RBSN: variants seen among roughly 807,000 people sequenced by gnomAD.
RBSN encodes rabenosyn, RAB effector, also known as rabenosyn-5.
RBSN carries 34 observed loss-of-function variants against 60.5 expected under a neutral mutation model. That is an observed-to-expected ratio of 0.56 (90% CI 0.43 to 0.75). RBSN has a LOEUF of 0.75. RBSN is among the 30% of genes least tolerant of loss of function. The probability of loss-of-function intolerance (pLI) is 0.00; values close to 1 mark genes in which losing one functional copy is unlikely to be tolerated. For synonymous variants in RBSN, 322 were observed against 366.9 expected, an observed-to-expected ratio of 0.88 and a Z score of 1.40; for missense variants, 845 against 986.8, an observed-to-expected ratio of 0.86 and a Z score of 1.92.
chr3:15,071,702 G>A lies in RBSN; in HGVS notation c.*2080C>T, dbSNP rs1199983219. The A allele has an allele frequency of 6.6e-6, 1 of 152,276 alleles. No homozygotes were observed. The highest frequency in any genetic ancestry group is 2.4e-5 in the African/African-American group (1 of 41,440). The allele number at this position is 152,276 out of a possible 1,614,324, so 9.4% of individuals were successfully genotyped here. A position where few individuals can be genotyped will look rare whatever the true frequency, so the allele number is the denominator to read the frequency against. ...AAATGTGAACATCAACACAAATACA[G>A]ATTATTTTTTCATCAAGAGAGTTAA... On this transcript the variant is annotated 3_prime_UTR_variant, in exon 14 of 14. Transcript: ENST00000253699.
intron 8 of RBSN, among the ~76,000 whole-genome samples, chr3:15,083,982 C>T (rs1427048858): frequency 6.6e-6 from 1 of 152,132 alleles, no homozygotes; most frequent in Non-Finnish European, 1.5e-5. Flanking sequence ...TGCTAGACTC[C>T]TTGGAAGAAT....
Position 15,082,222 on chromosome 3 carries a change from A to G in RBSN, c.840+145T>C. ...ACTCACACAGGGCCCTAGCTGGGAA[A>G]TCATAACATGGGCCTTTAACAGGAA... On this transcript the variant is annotated intron_variant, in intron 9 of 13. Transcript: ENST00000253699. This position sits in a 1 kb window ranked among gnomAD's most constrained non-coding sequence, Gnocchi z 4.2. 1 of 1,129,124 alleles carries G rather than the reference A, an allele frequency of 8.9e-7. No homozygotes were observed. Among genetic ancestry groups the G allele is most frequent in the Non-Finnish European group, 1.2e-6 (1 of 800,740 alleles). 69.9% of individuals were successfully genotyped at this position (1,129,124 alleles called of 1,614,324 possible). A position where few individuals can be genotyped will look rare whatever the true frequency, so the allele number is the denominator to read the frequency against.
chr3:15,084,823 G>T lies in RBSN; in HGVS notation c.510C>A (p.Phe170Leu). 6.2e-7 allele frequency: 1 copy of T among 1,614,222 alleles called. No homozygotes were observed. ...AGTGGTGGCGGCGGTTCCGGATGCTGAACTTATTCCCACAGTCTGGACAGA... is the reference window on the plus strand; with the variant it reads ...AGTGGTGGCGGCGGTTCCGGATGCTTAACTTATTCCCACAGTCTGGACAGA... ...VPFCPDCGNK[F>L]SIRNRRHHCR... is the part of the protein sequence containing the mutation. The change falls in exon 8 of 14, where the codon TTC (phenylalanine) becomes TTA (leucine). Residue 170 changes from phenylalanine (F) to leucine (L), a missense_variant. Phe to Leu is a conservative substitution (Grantham distance 22). Transcript: ENST00000253699. The surrounding 1 kb of genome is among the most constrained non-coding windows in gnomAD (Gnocchi z 4.2).
intron 4 of RBSN, chr3:15,095,727 G>A: frequency 1.8e-6 from 1 of 566,670 alleles, no homozygotes; most frequent in Non-Finnish European, 3.1e-6. Context: ...AGTGGCTTCA[G>A]ACAAGTTATC....
rs1045610590 is a variant in RBSN at position 15,074,275 on chromosome 3, T to G, written c.1862A>C (p.Glu621Ala). The G allele has an allele frequency of 5.6e-6, 9 of 1,613,368 alleles. No individual in the cohort carries two copies. The African/African-American group carries it at 1.2e-4, about 22-fold the overall frequency. The part of the protein sequence containing the change: ...LPQSSMPQQH[E>A]GPSLNPFDEE... ...ATCAAAGGGGTTTAAGGAGGGCCCC[T>G]CATGTTGCTGTGGCATGCTGCTCTG... is the stretch of plus-strand genomic sequence containing the variant. Residue 621 changes from glutamate (E) to alanine (A), a missense_variant, in exon 14 of 14, where the codon GAG becomes GCG. By Grantham distance (107) the Glu-to-Ala change is moderately radical. Coordinates refer to ENST00000253699, the MANE Select transcript of RBSN (RefSeq NM_022340.4). The surrounding 1 kb of genome is among the most constrained non-coding windows in gnomAD (Gnocchi z 6.4).
In RBSN at chr3:15,073,728, C is replaced by T. The variant is rs1645106754; in HGVS notation, c.*54G>A. On this transcript the variant is annotated 3_prime_UTR_variant, in exon 14 of 14. Coordinates refer to ENST00000253699, the MANE Select transcript of RBSN (RefSeq NM_022340.4). ...TCCATCCTGCCTGCCCTCTGTCCTG[C>T]TCCACTGGCTCCTGCCAGACCCCTG... The T allele has an allele frequency of 6.5e-7, 1 of 1,544,306 alleles. No homozygotes were observed. Among genetic ancestry groups the T allele is most frequent in the Admixed American group, 1.9e-5 (1 of 53,148 alleles).
At chr3:15,085,990 T>A (rs1219174088) in intron 5 of RBSN, 29 bp from the exon 6 acceptor site, 1 of 1,562,258 alleles carries the variant, frequency 6.4e-7, no homozygotes, top group South Asian at 1.1e-5. Flanking sequence ...GGGAGACAAA[T>A]GACTTATAGT....
At chr3:15,091,691 C>T (rs2043520122) in intron 4 of RBSN, among the ~76,000 whole-genome samples, 1 of 152,230 alleles carries the variant, frequency 6.6e-6, no homozygotes, top group Admixed American at 6.5e-5. Flanking sequence ...GAAGAACTTG[C>T]TTCACCCAAG....
In RBSN at chr3:15,082,185, A is replaced by G. The variant is rs1274181792; in HGVS notation, c.840+182T>C. Reference sequence around the variant, plus strand: ...GAAACGAGTTTGTTGCAACACACCCAGGATGACTCTGACTCACACAGGGCC... The same window carrying G: ...GAAACGAGTTTGTTGCAACACACCCGGGATGACTCTGACTCACACAGGGCC... On this transcript the variant is annotated intron_variant, in intron 9 of 13. Transcript: ENST00000253699. This position sits in a 1 kb window ranked among gnomAD's most constrained non-coding sequence, Gnocchi z 4.2. Among the ~76,000 whole-genome samples, 1 of 152,204 alleles carries G rather than the reference A, an allele frequency of 6.6e-6. No individual in the cohort carries two copies. Among genetic ancestry groups the G allele is most frequent in the African/African-American group, 2.4e-5 (1 of 41,442 alleles).
In RBSN at chr3:15,073,707, T is replaced by C; in HGVS notation, c.*75A>G. The C allele has an allele frequency of 6.7e-7, 1 of 1,486,346 alleles. No individual in the cohort carries two copies. 92.1% of individuals were successfully genotyped at this position (1,486,346 alleles called of 1,614,324 possible). On this transcript the variant is annotated 3_prime_UTR_variant, in exon 14 of 14. Transcript: ENST00000253699. ...CTCACCCTGCCACCTTCCCCATCCA[T>C]CCTGCCTGCCCTCTGTCCTGCTCCA...
rs1293362220 is a variant in RBSN, at chr3:15,072,868, C to T, written c.*914G>A. 6.6e-6 allele frequency: 1 copy of T among 152,270 alleles called. No homozygotes were observed. The highest frequency in any genetic ancestry group is 1.5e-5 in the Non-Finnish European group (1 of 68,126). The allele number at this position is 152,270 out of a possible 1,614,324, so 9.4% of individuals were successfully genotyped here. A position where few individuals can be genotyped will look rare whatever the true frequency, so the allele number is the denominator to read the frequency against. On this transcript the variant is annotated 3_prime_UTR_variant, in exon 14 of 14. Transcript: ENST00000253699. The stretch of plus-strand genomic sequence containing the variant: ...AGCTGGGACTACAGGCACCCACCAC[C>T]ACGCCTGGCTAATTTTTTGTATTTT...
At chr3:15,093,615 C>T (rs955328071) in intron 4 of RBSN, among the ~76,000 whole-genome samples, 1 of 152,164 alleles carries the variant, frequency 6.6e-6, no homozygotes, top group Non-Finnish European at 1.5e-5. Context: ...AGTCTGGTCT[C>T]CTGGGCTCAA....
rs984707877 is a variant in RBSN at position 15,091,332 on chromosome 3, C to T, written c.149-793G>A. The T allele has an allele frequency of 2.6e-5, 27 of 1,042,976 alleles. No individual in the cohort carries two copies. The African/African-American group carries it at 4.1e-4, about 16-fold the overall frequency. The allele number at this position is 1,042,976 out of a possible 1,614,324, so 64.6% of individuals were successfully genotyped here. On this transcript the variant is annotated intron_variant, in intron 4 of 13. Coordinates refer to ENST00000253699, the MANE Select transcript of RBSN (RefSeq NM_022340.4). Reference sequence around the variant, plus strand: ...CAGAAACTCATGAGTAAATTCTTCTCATTTACCTCCAGGATGGGATTCAGC... The same window carrying T: ...CAGAAACTCATGAGTAAATTCTTCTTATTTACCTCCAGGATGGGATTCAGC...
Position 15,073,528 on chromosome 3 carries a change from C to T in RBSN, c.*254G>A, listed in dbSNP as rs1324182333. 3 of 455,732 alleles carry T rather than the reference C, an allele frequency of 6.6e-6. No homozygotes were observed. The highest frequency in any genetic ancestry group is 8.0e-5 in the South Asian group (2 of 25,008). 28.2% of individuals were successfully genotyped at this position (455,732 alleles called of 1,614,324 possible). Reference sequence around the variant, plus strand: ...TTCAAAAGGGGTAAACCTCCGATTACAAAAGATAGTAATAATAAACAGGAA... The same window carrying T: ...TTCAAAAGGGGTAAACCTCCGATTATAAAAGATAGTAATAATAAACAGGAA... On this transcript the variant is annotated 3_prime_UTR_variant, in exon 14 of 14. Transcript: ENST00000253699.
chr3:15,095,413 C>A (rs1454168496), intron 4 of RBSN, among the ~76,000 whole-genome samples: 1 of 152,200 alleles, frequency 6.6e-6, no homozygotes, highest in Non-Finnish European at 1.5e-5. Context: ...TTGAAAAATT[C>A]TTTCCACAAC....
At chr3:15,094,700 T>C (rs1335414529) in intron 4 of RBSN, among the ~76,000 whole-genome samples, 1 of 152,240 alleles carries the variant, frequency 6.6e-6, no homozygotes, top group African/African-American at 2.4e-5. Context: ...TCAGAAATGT[T>C]TGCCTTTGTT....
chr3:15,084,892 T>G lies in RBSN; in HGVS notation c.441A>C (p.Ile147=). 1.2e-6 allele frequency: 2 copies of G among 1,613,748 alleles called. No homozygotes were observed. Among genetic ancestry groups the G allele is most frequent in the Non-Finnish European group, 1.7e-6 (2 of 1,179,750 alleles). Residue 147 remains isoleucine (I), a synonymous_variant, in exon 8 of 14, where the codon ATA becomes ATC. Coordinates refer to ENST00000253699, the MANE Select transcript of RBSN (RefSeq NM_022340.4). This position sits in a 1 kb window ranked among gnomAD's most constrained non-coding sequence, Gnocchi z 4.2. The part of the protein sequence containing the change: ...TNTESAKIRA[I]EKSVVPWVND... ...TGACCCAAGGCACCACAGACTTTTCTATTGCTTTGGGAAGAGCAAACCAAC... is the reference window on the plus strand; with the variant it reads ...TGACCCAAGGCACCACAGACTTTTCGATTGCTTTGGGAAGAGCAAACCAAC...
At position 15,095,734 on chromosome 3, in the gene RBSN, T is replaced by C. The variant is rs568468581; in HGVS notation, c.148+239A>G. 2.4e-5 allele frequency: 14 copies of C among 572,264 alleles called. No homozygotes were observed. The South Asian group carries it at 3.2e-4, about 13-fold the overall frequency. 35.4% of individuals were successfully genotyped at this position (572,264 alleles called of 1,614,324 possible). On this transcript the variant is annotated intron_variant, in intron 4 of 13. Coordinates refer to ENST00000253699, the MANE Select transcript of RBSN (RefSeq NM_022340.4). ...TTTCTCTGAGTGGCTTCAGACAAGT[T>C]ATCTAATCTCTCTGTGTCTGGTTCG... is the stretch of plus-strand genomic sequence containing the variant.
chr3:15,089,456 C>CAAAAAAAAAAAAAAAAAA (rs757156425), intron 5 of RBSN, among the ~76,000 whole-genome samples: 2 of 31,452 alleles, frequency 6.4e-5, no homozygotes, highest in Non-Finnish European at 1.2e-4. Context: ...ACTCCATCTC[C>CAAAAAAAAAAAAAAAAAA]AAAAAAAAAA....
Sources: gnomAD v4.1 joint callset for allele counts (sites outside exome capture counted in the v4.1 genomes callset) on GRCh38, gnomAD v4.1.1 for gene constraint, Gnocchi (gnomAD v3.1) non-coding constraint, MANE v1.5 for transcripts, NCBI Gene and HGNC (gene_info 2026-07-23, HGNC 2026-07-21) for gene names.